Variants in POU3F3 observed in about 807,000 individuals in gnomAD.
POU3F3 encodes the protein POU domain, class 3, transcription factor 3.
Under a neutral mutation model 8.6 loss-of-function variants are expected in POU3F3, and 1 was observed. The observed-to-expected ratio is 0.12, with a 90% confidence interval of 0.04 to 0.55. The LOEUF is 0.55. POU3F3 is among the 20% of genes least tolerant of loss of function. POU3F3 has a pLI of 0.91. For synonymous variants in POU3F3, 418 were observed against 327.4 expected, an observed-to-expected ratio of 1.28 and a Z score of -2.99; for missense variants, 577 against 690.7, an observed-to-expected ratio of 0.84 and a Z score of 1.84.
chr2:104,886,523 G>A, the POU3F3 span, among the ~76,000 whole-genome samples: 1 of 152,100 alleles, frequency 6.6e-6, no homozygotes. Flanking sequence ...ACAGGAAAGG[G>A]GTCCCAATCC....
chr2:104,862,046 C>A (rs1226499990), downstream of POU3F3, among the ~76,000 whole-genome samples: 1 of 152,178 alleles, frequency 6.6e-6, no homozygotes, highest in Admixed American at 6.5e-5. Context: ...TAATCAGATT[C>A]TTTGATTTTG....
chr2:104,892,055 A>T, the POU3F3 span, among the ~76,000 whole-genome samples: 1 of 152,188 alleles, frequency 6.6e-6, no homozygotes, highest in South Asian at 2.1e-4. Context: ...GCTCCGATCA[A>T]ACCCCCTGAT....
the POU3F3 span, among the ~76,000 whole-genome samples, chr2:104,924,157 A>AT: frequency 1.3e-5 from 2 of 152,192 alleles, no homozygotes; most frequent in Admixed American, 6.5e-5. Flanking sequence ...TGTTATGTGT[A>AT]TTTTACAATG....
the POU3F3 span, among the ~76,000 whole-genome samples, chr2:104,922,860 A>G: frequency 6.6e-6 from 1 of 152,206 alleles, no homozygotes; most frequent in Admixed American, 6.5e-5. Context: ...GACATATTAT[A>G]ATCAGCTTGA....
At chr2:104,860,460 G>T (rs1314166036), downstream of POU3F3, among the ~76,000 whole-genome samples, 1 of 152,114 alleles carries the variant, frequency 6.6e-6, no homozygotes, top group Non-Finnish European at 1.5e-5. Flanking sequence ...AATGAATTTG[G>T]TCATTGTGTT....
rs1268076842 is a variant in POU3F3 at position 104,855,289 on chromosome 2, GGGCCGCGGCGGC to G, written c.-218_-207del. On this transcript the variant is annotated 5_prime_UTR_variant, in exon 1 of 1. Transcript: ENST00000361360. ...CGAGCGGCCTTGCAGCTGCAGCCGG[GGGCCGCGGCGGC>G]GGCGGCGGCGGCGGGGGCGGAGGCG... is the stretch of plus-strand genomic sequence containing the variant. 6.8e-6 allele frequency among the ~76,000 whole-genome samples: 1 copy of G among 147,974 alleles called. No individual in the cohort carries two copies. The highest frequency in any genetic ancestry group is 1.5e-5 in the Non-Finnish European group (1 of 66,518).
chr2:104,890,292 T>C, the POU3F3 span, among the ~76,000 whole-genome samples: 1 of 152,176 alleles, frequency 6.6e-6, no homozygotes, highest in Non-Finnish European at 1.5e-5. Flanking sequence ...CATCTCACTT[T>C]GCTGAATTGT....
the POU3F3 span, among the ~76,000 whole-genome samples, chr2:104,895,902 C>T: frequency 6.6e-6 from 1 of 152,110 alleles, no homozygotes; most frequent in South Asian, 2.1e-4. Flanking sequence ...GCCAGCTAGC[C>T]CTGGGGAGTA....
At chr2:104,863,193 ATT>A (rs1676686889), downstream of POU3F3, among the ~76,000 whole-genome samples, 1 of 145,552 alleles carries the variant, frequency 6.9e-6, no homozygotes, top group Non-Finnish European at 1.5e-5. Flanking sequence ...TATTATTATT[ATT>A]ATTATTATTA....
the POU3F3 span, among the ~76,000 whole-genome samples, chr2:104,882,681 A>C: frequency 3.3e-5 from 5 of 152,236 alleles, no homozygotes; most frequent in African/African-American, 1.2e-4. Context: ...GATCTCAAAC[A>C]TTGATGGTCA....
the POU3F3 span, among the ~76,000 whole-genome samples, chr2:104,914,581 C>G: frequency 6.6e-6 from 1 of 152,158 alleles, no homozygotes; most frequent in Non-Finnish European, 1.5e-5. Flanking sequence ...AATTAAGTAG[C>G]CAAGATCCCA....
At chr2:104,926,265 A>C in the POU3F3 span, among the ~76,000 whole-genome samples, 20 of 152,192 alleles carry the variant, frequency 1.3e-4, no homozygotes, top group Admixed American at 3.9e-4. Flanking sequence ...CAAGAAAAAA[A>C]CAAACAACCC....
At chr2:104,879,433 T>C in the POU3F3 span, among the ~76,000 whole-genome samples, 1 of 151,880 alleles carries the variant, frequency 6.6e-6, no homozygotes, top group Non-Finnish European at 1.5e-5. Context: ...AGAAAGTTGG[T>C]TTTTTATTTT....
At chr2:104,902,905 G>T in the POU3F3 span, among the ~76,000 whole-genome samples, 1 of 152,110 alleles carries the variant, frequency 6.6e-6, no homozygotes, top group Non-Finnish European at 1.5e-5. Context: ...GTAATGCAGG[G>T]CCTCCGCTTA....
chr2:104,880,964 C>A, the POU3F3 span, among the ~76,000 whole-genome samples: 5 of 152,152 alleles, frequency 3.3e-5, no homozygotes, highest in South Asian at 1.0e-3. Flanking sequence ...GTCCATAAGA[C>A]AAAGACAGTG....
At chr2:104,897,951 AC>A in the POU3F3 span, among the ~76,000 whole-genome samples, 1 of 152,222 alleles carries the variant, frequency 6.6e-6, no homozygotes, top group African/African-American at 2.4e-5. Flanking sequence ...CTACTGAAAT[AC>A]CCAAGAAAAA....
At chr2:104,881,114 A>ACTTTCTTTCTTTCTTTC in the POU3F3 span, among the ~76,000 whole-genome samples, 18 of 101,030 alleles carry the variant, frequency 1.8e-4, no homozygotes, top group South Asian at 4.7e-3. Flanking sequence ...TTCTTTCTTT[A>ACTTTCTTTCTTTCTTTC]TTTCTTACTT....
At chr2:104,868,089 C>T in the POU3F3 span, 1 of 363,120 alleles carries the variant, frequency 2.8e-6, no homozygotes, top group Non-Finnish European at 5.4e-6. Context: ...GAAATCAACG[C>T]AGGAGAACAA....
the POU3F3 span, among the ~76,000 whole-genome samples, chr2:104,895,486 T>G: frequency 6.6e-6 from 1 of 152,192 alleles, no homozygotes; most frequent in South Asian, 2.1e-4. Flanking sequence ...GTCAATTTTG[T>G]CTTCAGTTTT....
Sources: allele counts gnomAD v4.1 joint callset (sites outside exome capture counted in the v4.1 genomes callset), GRCh38; gene constraint gnomAD v4.1.1; transcripts MANE v1.5; gene names NCBI Gene and HGNC (gene_info 2026-07-23, HGNC 2026-07-21).